Variants in BCL2L1 observed in about 807,000 individuals in gnomAD.
BCL2L1 encodes the protein bcl-2-like protein 1.
In BCL2L1, 1 loss-of-function variant was observed where a neutral mutation model predicts 18.7. The ratio of observed to expected loss-of-function variants is 0.05; its 90% CI spans 0.02 to 0.25. BCL2L1 has a LOEUF of 0.25. Ranked by LOEUF, BCL2L1 falls within the 10% of genes least tolerant of loss-of-function variation. The pLI is 1.00. For missense variants in BCL2L1, 207 were observed against 304.9 expected (o/e 0.68, Z 2.39); for synonymous variants, 103 against 122.7 (o/e 0.84, Z 1.06).
Position 31,693,163 on chromosome 20 carries a change from T to TA in BCL2L1, c.565-27078dup, listed in dbSNP as rs764386536. Among the ~76,000 whole-genome samples the TA allele has an allele frequency of 9.3e-3, 1,083 of 116,204 alleles. 11 individuals carry two copies. Among genetic ancestry groups the TA allele is most frequent in the African/African-American group, 0.028 (898 of 31,918 alleles). 76.2% of individuals were successfully genotyped at this position (116,204 alleles called of 152,430 possible). A position where few individuals can be genotyped will look rare whatever the true frequency, so the allele number is the denominator to read the frequency against. On this transcript the variant is annotated intron_variant, in intron 2 of 2. Transcript: ENST00000307677. ...ATACCTATATATATATAGTAAAACTTAAAAAAAAAAAAAAAAAAAGGTAGC... is the reference window on the plus strand; with the variant it reads ...ATACCTATATATATATAGTAAAACTTAAAAAAAAAAAAAAAAAAAAGGTAGC...
Position 31,678,612 on chromosome 20 carries a change from T to G in BCL2L1, c.565-12526A>C, listed in dbSNP as rs1047167732. 1.8e-4 allele frequency among the ~76,000 whole-genome samples: 28 copies of G among 152,210 alleles called. 1 individual carries two copies. The highest frequency in any genetic ancestry group is 6.5e-4 in the African/African-American group (27 of 41,518). On this transcript the variant is annotated intron_variant, in intron 2 of 2. Transcript: ENST00000307677. ...TGTTGCCACAAAGGAGTCTGATCCT[T>G]CTCCACCTCAAAGCCCGCTGGGCAT...
At chr20:31,714,370 A>G (rs1428052913) in intron 2 of BCL2L1, among the ~76,000 whole-genome samples, 1 of 152,210 alleles carries the variant, frequency 6.6e-6, no homozygotes, top group African/African-American at 2.4e-5. Context: ...AACACTGTGG[A>G]GCTCCTACTA....
At chr20:31,694,073 C>T (rs1444195198) in intron 2 of BCL2L1, among the ~76,000 whole-genome samples, 2 of 152,014 alleles carry the variant, frequency 1.3e-5, no homozygotes, top group Non-Finnish European at 1.5e-5. Context: ...GGAGGGCAGG[C>T]AGCAGCTGGG....
In BCL2L1 at chr20:31,721,706, G is replaced by T. The variant is rs1337556197; in HGVS notation, c.513C>A (p.Ala171=). The T allele has an allele frequency of 6.2e-7, 1 of 1,613,718 alleles. No homozygotes were observed. Among genetic ancestry groups the T allele is most frequent in the Non-Finnish European group, 8.5e-7 (1 of 1,179,890 alleles). Residue 171 remains alanine (A), a synonymous_variant, in exon 2 of 3, where the codon GCC becomes GCA. Transcript: ENST00000307677. ...VLVSRIAAWM[A]TYLNDHLEPW... Reference sequence around the variant, plus strand: ...GCTCTAGGTGGTCATTCAGGTAAGTGGCCATCCAAGCTGCGATCCGACTCA... The same window carrying T: ...GCTCTAGGTGGTCATTCAGGTAAGTTGCCATCCAAGCTGCGATCCGACTCA...
chr20:31,680,304 C>G (rs1277740397), intron 2 of BCL2L1, among the ~76,000 whole-genome samples: 4 of 152,098 alleles, frequency 2.6e-5, no homozygotes. Context: ...TTTCACCTAC[C>G]CAATATTTAC....
rs549105385 is a variant in BCL2L1 at position 31,664,533 on chromosome 20, G to A, written c.*1416C>T. ...AGACTATTTCAAAGAGCTGGAACAA[G>A]TGTGGGGTGGGGGTTGGGGGAGGGG... On this transcript the variant is annotated 3_prime_UTR_variant, in exon 3 of 3. Transcript: ENST00000307677. The A allele has an allele frequency of 2.1e-5, 4 of 189,744 alleles. No homozygotes were observed. The highest frequency in any genetic ancestry group is 4.4e-5 in the Non-Finnish European group (4 of 89,976). 11.8% of individuals were successfully genotyped at this position (189,744 alleles called of 1,614,324 possible). A position where few individuals can be genotyped will look rare whatever the true frequency, so the allele number is the denominator to read the frequency against.
At chr20:31,718,772 C>CA in intron 2 of BCL2L1, among the ~76,000 whole-genome samples, 1 of 152,298 alleles carries the variant, frequency 6.6e-6, no homozygotes, top group Non-Finnish European at 1.5e-5. Flanking sequence ...AGGCTACCAA[C>CA]ACGCCTCTGG....
chr20:31,706,583 C>A (rs892758311), intron 2 of BCL2L1, among the ~76,000 whole-genome samples: 2 of 152,216 alleles, frequency 1.3e-5, no homozygotes, highest in African/African-American at 4.8e-5. Context: ...CTCGTTTAGT[C>A]TTTCTCCCAA....
chr20:31,699,127 G>A (rs1240549459), intron 2 of BCL2L1, among the ~76,000 whole-genome samples: 1 of 152,204 alleles, frequency 6.6e-6, no homozygotes, highest in Non-Finnish European at 1.5e-5. Context: ...GCCTCTCAAG[G>A]ACGCTCTGTT....
intron 2 of BCL2L1, among the ~76,000 whole-genome samples, chr20:31,696,859 G>A (rs902010167): frequency 9.2e-5 from 14 of 151,946 alleles, no homozygotes; most frequent in Non-Finnish European, 8.8e-5. Flanking sequence ...AGTTCGAGAC[G>A]AGCCTGGCCA....
chr20:31,723,933 T>G, upstream of BCL2L1: 1 of 985,414 alleles, frequency 1.0e-6, no homozygotes, highest in Non-Finnish European at 1.2e-6. Context: ...ACAGGGGAAC[T>G]TGCAAGCTCA....
intron 2 of BCL2L1, among the ~76,000 whole-genome samples, chr20:31,701,493 C>G (rs952955429): frequency 3.3e-5 from 5 of 152,218 alleles, no homozygotes; most frequent in African/African-American, 1.2e-4. Flanking sequence ...GGCTCGTCTT[C>G]TTACCCATAT....
intron 2 of BCL2L1, among the ~76,000 whole-genome samples, chr20:31,675,538 T>C (rs1192780614): frequency 2.0e-5 from 3 of 152,220 alleles, no homozygotes; most frequent in Admixed American, 6.5e-5. Context: ...ATCCACTTCC[T>C]CTGGTTTTCC....
chr20:31,721,515 A>C (rs2122869127), intron 2 of BCL2L1, 140 bp downstream of exon 2: 2 of 1,006,066 alleles, frequency 2.0e-6, no homozygotes, highest in Admixed American at 5.8e-5. Flanking sequence ...TTGTGGTGAA[A>C]TGAGGCCAGT....
intron 2 of BCL2L1, among the ~76,000 whole-genome samples, chr20:31,683,266 C>T (rs1456963718): frequency 3.3e-5 from 5 of 152,220 alleles, no homozygotes; most frequent in Non-Finnish European, 7.3e-5. Context: ...CCATTCCCAC[C>T]CTTTGGCCTC....
intron 2 of BCL2L1, among the ~76,000 whole-genome samples, chr20:31,687,545 C>T (rs1314291661): frequency 2.0e-5 from 3 of 151,808 alleles, no homozygotes; most frequent in Admixed American, 6.6e-5. Flanking sequence ...GGTGTGGTGG[C>T]ACGCGCCTGT....
intron 2 of BCL2L1, among the ~76,000 whole-genome samples, chr20:31,687,440 A>G (rs369666338): frequency 6.6e-5 from 10 of 151,834 alleles, no homozygotes; most frequent in African/African-American, 2.2e-4. Flanking sequence ...AGGAAGGAGG[A>G]TAACGCAGGA....
chr20:31,683,272 G>A (rs947068772), intron 2 of BCL2L1, among the ~76,000 whole-genome samples: 2 of 152,080 alleles, frequency 1.3e-5, no homozygotes, highest in African/African-American at 4.8e-5. Flanking sequence ...CCACCCTTTG[G>A]CCTCTGCACT....
intron 2 of BCL2L1, among the ~76,000 whole-genome samples, chr20:31,680,658 T>G (rs1364103151): frequency 1.3e-5 from 2 of 152,190 alleles, no homozygotes; most frequent in South Asian, 2.1e-4. Flanking sequence ...TTCCCTAGCT[T>G]TGGACACTCA....
Sources: gnomAD v4.1 joint callset for allele counts (sites outside exome capture counted in the v4.1 genomes callset) on GRCh38, gnomAD v4.1.1 for gene constraint, MANE v1.5 for transcripts, NCBI Gene and HGNC (gene_info 2026-07-23, HGNC 2026-07-21) for gene names.